Variants in DENND4B observed in about 807,000 individuals in gnomAD.
DENND4B encodes the protein DENN domain containing 4B.
A neutral mutation model predicts 161.0 loss-of-function variants in DENND4B; 67 were observed. The ratio of observed to expected loss-of-function variants is 0.42; its 90% CI spans 0.34 to 0.51. DENND4B has a LOEUF of 0.51. Among genes scored for constraint, DENND4B ranks in the 20% least tolerant of loss-of-function variants. The probability of loss-of-function intolerance (pLI) is 0.08; values close to 1 mark genes in which losing one functional copy is unlikely to be tolerated. For synonymous variants in DENND4B, 753 were observed against 813.8 expected (o/e 0.93, Z 1.27); for missense variants, 1,481 against 1,968.0 (o/e 0.75, Z 4.68).
In DENND4B at chr1:153,932,807, T is replaced by A. The variant is rs1679042515; in HGVS notation, c.3624-30A>T. On this transcript the variant is annotated intron_variant, in intron 22 of 27. Coordinates refer to ENST00000361217, the MANE Select transcript of DENND4B (RefSeq NM_014856.3). The surrounding 1 kb of genome is among the most constrained non-coding windows in gnomAD (Gnocchi z 5.8). The stretch of plus-strand genomic sequence containing the variant: ...AGGGGGATAGCAGCAGGGGTCAGCT[T>A]TTGGACCTTCACCTCCCTATTCCCA... The A allele has an allele frequency of 1.9e-6, 3 of 1,613,308 alleles. No individual in the cohort carries two copies. Among genetic ancestry groups the A allele is most frequent in the Non-Finnish European group, 1.7e-6 (2 of 1,179,540 alleles).
At chr1:153,939,274 T>TTG in intron 12 of DENND4B, among the ~76,000 whole-genome samples, 1 of 151,382 alleles carries the variant, frequency 6.6e-6, no homozygotes, top group East Asian at 2.0e-4. Context: ...TGCCTCAGAC[T>TTG]GGGGGGGGTC....
At position 153,937,925 on chromosome 1, in the gene DENND4B, T is replaced by A; in HGVS notation, c.1966-62A>T. On this transcript the variant is annotated intron_variant, in intron 13 of 27. Transcript: ENST00000361217. The surrounding 1 kb of genome is among the most constrained non-coding windows in gnomAD (Gnocchi z 4.7). ...GTGGGCATGGAGCAGAGCCAGGGTG[T>A]CTAGACGATGGCATCTCCCAGGAAA... The A allele has an allele frequency of 6.2e-7, 1 of 1,604,032 alleles. No individual in the cohort carries two copies. The highest frequency in any genetic ancestry group is 2.2e-5 in the East Asian group (1 of 44,728).
At chr1:153,939,082 A>T in intron 12 of DENND4B, 37 bp from the exon 13 acceptor site, 1 of 1,604,288 alleles carries the variant, frequency 6.2e-7, no homozygotes, top group Non-Finnish European at 8.5e-7. Context: ...GAGGGGTGTG[A>T]CCAGGGCTCT....
In DENND4B at chr1:153,936,744, A is replaced by G; in HGVS notation, c.2237T>C (p.Met746Thr). 1 of 1,586,178 alleles carries G rather than the reference A, an allele frequency of 6.3e-7. No homozygotes were observed. The change falls in exon 16 of 28, where the codon ATG (methionine) becomes ACG (threonine). Residue 746 changes from methionine (M) to threonine (T), a missense_variant. Met to Thr is a moderately conservative substitution (Grantham distance 81). Transcript: ENST00000361217. This position sits in a 1 kb window ranked among gnomAD's most constrained non-coding sequence, Gnocchi z 4.1. ...CTGTGCCATCCGCTGTGCAACTTTC[A>G]TCTCCTAGGTAGGACAGGGGACACA... ...SPAPRRTKQEMKVAQRMAQKS... is the reference protein window; with the variant it reads ...SPAPRRTKQETKVAQRMAQKS...
rs1258690185 is a variant in DENND4B, at chr1:153,930,460, A to C, written c.4346-18T>G. 1 of 1,613,880 alleles carries C rather than the reference A, an allele frequency of 6.2e-7. No individual in the cohort carries two copies. The highest frequency in any genetic ancestry group is 8.5e-7 in the Non-Finnish European group (1 of 1,179,790). ...GAAGGCCACTAGGGAAGAAGGTGGAAGTCAACATGTTAGGACCGCAGCCTC... is the reference window on the plus strand; with the variant it reads ...GAAGGCCACTAGGGAAGAAGGTGGACGTCAACATGTTAGGACCGCAGCCTC... On this transcript the variant is annotated intron_variant, in intron 27 of 27. Coordinates refer to ENST00000361217, the MANE Select transcript of DENND4B (RefSeq NM_014856.3). This position sits in a 1 kb window ranked among gnomAD's most constrained non-coding sequence, Gnocchi z 4.7.
At chr1:153,939,831 AG>A (rs774135674) in intron 11 of DENND4B, 27 bp from the exon 12 acceptor site, 7 of 1,606,954 alleles carry the variant, frequency 4.4e-6, no homozygotes, top group Non-Finnish European at 5.1e-6. Context: ...CCTAAGAGTC[AG>A]GGCTGGCTCC....
At position 153,939,745 on chromosome 1, in the gene DENND4B, C is replaced by G; in HGVS notation, c.1663G>C (p.Val555Leu). ...TCCAGCCGGGCCCTGCGGCCACACA[C>G]TGCCTCGTAGTCTGTCAGTAGGAAC... ...LEFLLTDYEA[V>L]CGRRARLERE... Residue 555 changes from valine to leucine, a missense_variant, in exon 12 of 28, where the codon GTG becomes CTG. Val to Leu is a conservative substitution (Grantham distance 32). Around this residue, in one of 3 missense-constraint regions of DENND4B, gnomAD observed 806 missense variants for 1,134.4 expected, o/e 0.71. Transcript: ENST00000361217. The G allele has an allele frequency of 6.2e-7, 1 of 1,613,962 alleles. No individual in the cohort carries two copies. Among genetic ancestry groups the G allele is most frequent in the Non-Finnish European group, 8.5e-7 (1 of 1,179,892 alleles).
In DENND4B at chr1:153,941,766, C is replaced by A. The variant is rs1010614224; in HGVS notation, c.1055+103G>T. 15 of 1,487,640 alleles carry A rather than the reference C, an allele frequency of 1.0e-5. No homozygotes were observed. The African/African-American group carries it at 1.9e-4, about 19-fold the overall frequency. 92.2% of individuals were successfully genotyped at this position (1,487,640 alleles called of 1,614,324 possible). The stretch of plus-strand genomic sequence containing the variant: ...ACACACTGCAGCCCTGTCCCTTACC[C>A]TGTGCCCAGCCCTCCCCCCACCCAC... On this transcript the variant is annotated intron_variant, in intron 6 of 27. Coordinates refer to ENST00000361217, the MANE Select transcript of DENND4B (RefSeq NM_014856.3).
At position 153,940,009 on chromosome 1, in the gene DENND4B, G is replaced by T; in HGVS notation, c.1603+147C>A. On this transcript the variant is annotated intron_variant, in intron 11 of 27. Coordinates refer to ENST00000361217, the MANE Select transcript of DENND4B (RefSeq NM_014856.3). The surrounding 1 kb of genome is among the most constrained non-coding windows in gnomAD (Gnocchi z 5.6). The stretch of plus-strand genomic sequence containing the variant: ...CTGCCCTTCCTTCTAGCTTCAGTTG[G>T]AATTGGAATCTCCCTCAGTTCCACC... 1 of 847,876 alleles carries T rather than the reference G, an allele frequency of 1.2e-6. No individual in the cohort carries two copies. 52.5% of individuals were successfully genotyped at this position (847,876 alleles called of 1,614,324 possible).
rs760505452 is a variant in DENND4B, at chr1:153,942,870, C to T, written c.570+8G>A. ...GAGGACCAGGTGTCAGCTCTTGGCC[C>T]CACTCACCATGCCAGGGTTGAGGTT... On this transcript the variant is annotated splice_region_variant and intron_variant, in intron 3 of 27. Coordinates refer to ENST00000361217, the MANE Select transcript of DENND4B (RefSeq NM_014856.3). This position sits in a 1 kb window ranked among gnomAD's most constrained non-coding sequence, Gnocchi z 6.9. 2 of 1,590,650 alleles carry T rather than the reference C, an allele frequency of 1.3e-6. No homozygotes were observed. The highest frequency in any genetic ancestry group is 2.3e-5 in the South Asian group (2 of 88,858).
chr1:153,942,832 A>C lies in DENND4B; in HGVS notation c.570+46T>G, dbSNP rs201718830. The C allele has an allele frequency of 4.6e-5, 71 of 1,557,284 alleles. No homozygotes were observed. In the African/African-American group the frequency reaches 6.4e-4, roughly 14 times the overall value. On this transcript the variant is annotated intron_variant, in intron 3 of 27. Coordinates refer to ENST00000361217, the MANE Select transcript of DENND4B (RefSeq NM_014856.3). The surrounding 1 kb of genome is among the most constrained non-coding windows in gnomAD (Gnocchi z 6.9). The stretch of plus-strand genomic sequence containing the variant: ...CCCTTTGTTCCCAGTGTCCACACCC[A>C]CTCTTACACCAAGAGGACCAGGTGT...
At position 153,934,939 on chromosome 1, in the gene DENND4B, G is replaced by C. The variant is rs775159166; in HGVS notation, c.2594C>G (p.Ser865Cys). ...NKAVLESKWP[S>C]GTPGGRLRWA... Reference sequence around the variant, plus strand: ...GCGCAGACGCCCACCTGGTGTGCCAGACGGCCACTTGCTTTCCAACACAGC... The same window carrying C: ...GCGCAGACGCCCACCTGGTGTGCCACACGGCCACTTGCTTTCCAACACAGC... Residue 865 changes from serine (S) to cysteine (C), a missense_variant, in exon 18 of 28, where the codon TCT becomes TGT. Physicochemically the swap from Ser to Cys is moderately radical, Grantham distance 112. This residue lies in a region of DENND4B where 339 missense variants were observed against 330.3 expected (regional missense o/e 1.03). Coordinates refer to ENST00000361217, the MANE Select transcript of DENND4B (RefSeq NM_014856.3). The surrounding 1 kb of genome is among the most constrained non-coding windows in gnomAD (Gnocchi z 5.3). 6.2e-7 allele frequency: 1 copy of C among 1,612,584 alleles called. No individual in the cohort carries two copies. Among genetic ancestry groups the C allele is most frequent in the South Asian group, 1.1e-5 (1 of 91,086 alleles).
At position 153,929,658 on chromosome 1, in the gene DENND4B, G is replaced by A. The variant is rs1443646520; in HGVS notation, c.*639C>T. On this transcript the variant is annotated 3_prime_UTR_variant, in exon 28 of 28. Coordinates refer to ENST00000361217, the MANE Select transcript of DENND4B (RefSeq NM_014856.3). ...TGGAGGGGGCACCAGTTCTTCCTAA[G>A]GGGAGCTTGAGACTCCTCTAGCTCC... 1 of 152,148 alleles carries A rather than the reference G, an allele frequency of 6.6e-6. No homozygotes were observed. Among genetic ancestry groups the A allele is most frequent in the African/African-American group, 2.4e-5 (1 of 41,384 alleles). The allele number at this position is 152,148 out of a possible 1,614,324, so 9.4% of individuals were successfully genotyped here.
At position 153,932,529 on chromosome 1, in the gene DENND4B, G is replaced by A; in HGVS notation, c.3760-89C>T. The A allele has an allele frequency of 1.3e-6, 2 of 1,558,674 alleles. No homozygotes were observed. The highest frequency in any genetic ancestry group is 1.7e-6 in the Non-Finnish European group (2 of 1,150,460). ...TGAGCCACCACATCCAACAGCTTTT[G>A]GGATGCCCCTTGCCCTCAAGGGCAA... On this transcript the variant is annotated intron_variant, in intron 23 of 27. Transcript: ENST00000361217. The surrounding 1 kb of genome is among the most constrained non-coding windows in gnomAD (Gnocchi z 5.8).
At chr1:153,943,269 TC>T in intron 2 of DENND4B, 139 bp from the exon 3 acceptor site, 1 of 1,243,182 alleles carries the variant, frequency 8.0e-7, no homozygotes, top group East Asian at 2.4e-5. Context: ...AGGGCCCACC[TC>T]TTCTTGCTGA....
Position 153,943,114 on chromosome 1 carries a change from T to A in DENND4B, c.334A>T (p.Lys112Ter). The change falls in exon 3 of 28, where the codon AAG becomes TAG. Residue 112 changes from lysine (K) to a stop codon, truncating the protein, a stop_gained. Coordinates refer to ENST00000361217, the MANE Select transcript of DENND4B (RefSeq NM_014856.3). LOFTEE classifies it high-confidence loss of function. ...LVELGVLYEG[K>*]ERPKPGFQVL... ...TGGAAGCCAGGCTTGGGACGTTCCT[T>A]CCCCTCATACAACACCCTTGGCACA... The A allele has an allele frequency of 6.2e-7, 1 of 1,613,238 alleles. No individual in the cohort carries two copies. The highest frequency in any genetic ancestry group is 2.2e-5 in the East Asian group (1 of 44,860).
rs1238914438 is a variant in DENND4B at position 153,937,834 on chromosome 1, C to T, written c.1995G>A (p.Pro665=). Residue 665 remains proline (P), a synonymous_variant, in exon 14 of 28, where the codon CCG becomes CCA. Transcript: ENST00000361217. This position sits in a 1 kb window ranked among gnomAD's most constrained non-coding sequence, Gnocchi z 4.7. ...GCTCCTCTAGCTCCACTAAGGGTGT[C>T]GGCTCAGGCTTCTCCTGCTCTGGGT... The part of the protein sequence containing the change: ...KVHPEQEKPE[P]TPLVELEELS... 1.1e-5 allele frequency: 18 copies of T among 1,613,990 alleles called. No individual in the cohort carries two copies. The highest frequency in any genetic ancestry group is 5.5e-5 in the South Asian group (5 of 91,082).
At position 153,941,095 on chromosome 1, in the gene DENND4B, G is replaced by A. The variant is rs757900198; in HGVS notation, c.1182-47C>T. On this transcript the variant is annotated intron_variant, in intron 8 of 27. Transcript: ENST00000361217. The stretch of plus-strand genomic sequence containing the variant: ...GGAAAGGGTCACCAGGATACCCTGG[G>A]GACCCTTCCCCAGATGCCAGGCACA... The A allele has an allele frequency of 1.9e-6, 3 of 1,557,022 alleles. No homozygotes were observed. The South Asian group carries it at 3.5e-5, about 18-fold the overall frequency.
At position 153,937,581 on chromosome 1, in the gene DENND4B, C is replaced by T. The variant is rs991467404; in HGVS notation, c.2139G>A (p.Leu713=). ...YDGFPELRAE[L]FESLQEQPGA... ...CAGGTTGCTCTTGAAGAGACTCAAACAACTCAGCCCGTAGCTCTGGGAATC... is the reference window on the plus strand; with the variant it reads ...CAGGTTGCTCTTGAAGAGACTCAAATAACTCAGCCCGTAGCTCTGGGAATC... Residue 713 remains leucine, a synonymous_variant, in exon 15 of 28, where the codon TTG becomes TTA. Coordinates refer to ENST00000361217, the MANE Select transcript of DENND4B (RefSeq NM_014856.3). This position sits in a 1 kb window ranked among gnomAD's most constrained non-coding sequence, Gnocchi z 4.7. The T allele has an allele frequency of 1.9e-6, 3 of 1,613,442 alleles. No individual in the cohort carries two copies. The Admixed American group carries it at 5.0e-5, about 27-fold the overall frequency.
Sources: allele counts gnomAD v4.1 joint callset (sites outside exome capture counted in the v4.1 genomes callset), GRCh38; gene constraint gnomAD v4.1.1; regional missense constraint gnomAD v4.1.1; non-coding constraint Gnocchi (gnomAD v3.1); transcripts MANE v1.5; gene names NCBI Gene and HGNC (gene_info 2026-07-23, HGNC 2026-07-21).